The following RFTN1 variants were observed in gnomAD, a reference collection of about 807,000 sequenced individuals.
RFTN1 encodes the protein raftlin, lipid raft linker 1, also known as raftlin.
Under a neutral mutation model 46.5 loss-of-function variants are expected in RFTN1, and 26 were observed. The ratio of observed to expected loss-of-function variants is 0.56; its 90% confidence interval spans 0.41 to 0.78. The LOEUF (loss-of-function observed/expected upper bound fraction) is 0.78, where lower values mean the gene tolerates loss of function less well. RFTN1 is among the 30% of genes least tolerant of loss of function. The pLI, the probability that RFTN1 is intolerant of heterozygous loss-of-function variation, is 0.00. For synonymous variants in RFTN1, 261 were observed against 284.2 expected, an observed-to-expected ratio of 0.92 and a Z score of 0.82; for missense variants, 693 against 718.7, an observed-to-expected ratio of 0.96 and a Z score of 0.41.
chr3:16,330,494 TGAGGA>T (rs1192117363), intron 7 of RFTN1, among the ~76,000 whole-genome samples: 2 of 152,144 alleles, frequency 1.3e-5, no homozygotes, highest in Non-Finnish European at 2.9e-5. Flanking sequence ...GACACTCCAG[TGAGGA>T]GAGAAGAAAG....
At chr3:16,357,048 G>C (rs2072481648) in intron 7 of RFTN1, among the ~76,000 whole-genome samples, 2 of 151,076 alleles carry the variant, frequency 1.3e-5, no homozygotes, top group African/African-American at 4.9e-5. Context: ...CCAGGAGGCA[G>C]AGGTTGCAGT....
At chr3:16,434,336 C>T (rs759569926) in intron 2 of RFTN1, among the ~76,000 whole-genome samples, 5 of 151,242 alleles carry the variant, frequency 3.3e-5, no homozygotes, top group Admixed American at 6.6e-5. Context: ...CCAGCCTGGG[C>T]AACATAGTAA....
chr3:16,510,072 G>A (rs2076871249), intron 1 of RFTN1, among the ~76,000 whole-genome samples: 1 of 152,120 alleles, frequency 6.6e-6, no homozygotes, highest in African/African-American at 2.4e-5. Flanking sequence ...GGACCCGAGG[G>A]GCACAGGCCC....
chr3:16,418,896 C>T lies in RFTN1; in HGVS notation c.333-9413G>A, dbSNP rs1406453569. The stretch of plus-strand genomic sequence containing the variant: ...CACTGCCCTCAAGTCTAGATCCTGC[C>T]CTCAAGTCTAGATAGACTGTGTATA... On this transcript the variant is annotated intron_variant, in intron 3 of 9. Coordinates refer to ENST00000334133, the MANE Select transcript of RFTN1 (RefSeq NM_015150.2). The surrounding 1 kb of genome is among the most constrained non-coding windows in gnomAD (Gnocchi z 5.0). 1.3e-5 allele frequency among the ~76,000 whole-genome samples: 2 copies of T among 152,096 alleles called. No individual in the cohort carries two copies. Among genetic ancestry groups the T allele is most frequent in the Admixed American group, 6.5e-5 (1 of 15,268 alleles).
intron 2 of RFTN1, among the ~76,000 whole-genome samples, chr3:16,436,116 T>C (rs955554126): frequency 2.0e-5 from 3 of 151,936 alleles, no homozygotes; most frequent in Non-Finnish European, 4.4e-5. Context: ...CTTATATTTA[T>C]CTTATTATGT....
In RFTN1 at chr3:16,434,102, C is replaced by T. The variant is rs2075449688; in HGVS notation, c.146-65G>A. 4 of 1,383,968 alleles carry T rather than the reference C, an allele frequency of 2.9e-6. No individual in the cohort carries two copies. The South Asian group carries it at 4.3e-5, about 15-fold the overall frequency. 85.7% of individuals were successfully genotyped at this position (1,383,968 alleles called of 1,614,324 possible). A position where few individuals can be genotyped will look rare whatever the true frequency, so the allele number is the denominator to read the frequency against. ...CAACGCCCACTCAGCCCTGCCCAAACCCCTCTTCCCTTGCCCTCGGGGAGG... is the reference window on the plus strand; with the variant it reads ...CAACGCCCACTCAGCCCTGCCCAAATCCCTCTTCCCTTGCCCTCGGGGAGG... On this transcript the variant is annotated intron_variant, in intron 2 of 9. Transcript: ENST00000334133.
intron 8 of RFTN1, among the ~76,000 whole-genome samples, chr3:16,324,186 G>A (rs1418650956): frequency 2.0e-5 from 3 of 152,058 alleles, no homozygotes; most frequent in African/African-American, 7.2e-5. Context: ...TATATTTATG[G>A]GGTAGAGTGT....
rs2124902797 is a variant in RFTN1, at chr3:16,449,916, G to C, written c.146-15879C>G. Among the ~76,000 whole-genome samples the C allele has an allele frequency of 6.6e-6, 1 of 152,274 alleles. No homozygotes were observed. The highest frequency in any genetic ancestry group is 6.5e-5 in the Admixed American group (1 of 15,298). On this transcript the variant is annotated intron_variant, in intron 2 of 9. Transcript: ENST00000334133. This position sits in a 1 kb window ranked among gnomAD's most constrained non-coding sequence, Gnocchi z 5.1. Reference sequence around the variant, plus strand: ...CCTAGAGAGCTGGTTCTAGAAAATGGCCCCATCTCTAGAAGTGACCAGGAA... The same window carrying C: ...CCTAGAGAGCTGGTTCTAGAAAATGCCCCCATCTCTAGAAGTGACCAGGAA...
chr3:16,433,828 C>G lies in RFTN1; in HGVS notation c.332+23G>C, dbSNP rs2075443313. 6.2e-7 allele frequency: 1 copy of G among 1,612,200 alleles called. No homozygotes were observed. Among genetic ancestry groups the G allele is most frequent in the East Asian group, 2.2e-5 (1 of 44,868 alleles). On this transcript the variant is annotated intron_variant, in intron 3 of 9. Coordinates refer to ENST00000334133, the MANE Select transcript of RFTN1 (RefSeq NM_015150.2). The surrounding 1 kb of genome is among the most constrained non-coding windows in gnomAD (Gnocchi z 4.4). ...TAACTTAGCCGCAACAGGATGCTAC[C>G]CATTCACCCGTGGAGGCCTTACCTG...
intron 7 of RFTN1, among the ~76,000 whole-genome samples, chr3:16,330,171 T>C (rs1485318513): frequency 1.3e-5 from 2 of 152,196 alleles, no homozygotes; most frequent in African/African-American, 4.8e-5. Flanking sequence ...GAAGGTTCAA[T>C]CTCACGTGTT....
chr3:16,318,058 T>C (rs489956), intron 9 of RFTN1, among the ~76,000 whole-genome samples: 88,551 of 151,992 alleles, frequency 0.58, 25,959 homozygotes, highest in African/African-American at 0.66. Context: ...AAGCATTTCC[T>C]GGTGTGACAG....
chr3:16,350,537 A>G (rs950414271), intron 7 of RFTN1, among the ~76,000 whole-genome samples: 6 of 151,300 alleles, frequency 4.0e-5, no homozygotes, highest in South Asian at 2.1e-4. Context: ...CATACATACT[A>G]TTCTGTAAAC....
chr3:16,488,120 G>A (rs1336849181), intron 2 of RFTN1, among the ~76,000 whole-genome samples: 1 of 75,864 alleles, frequency 1.3e-5, no homozygotes. Context: ...TTTTTTTTTT[G>A]AGACGGAGTT....
In RFTN1 at chr3:16,448,516, G is replaced by T. The variant is rs1008700567; in HGVS notation, c.146-14479C>A. On this transcript the variant is annotated intron_variant, in intron 2 of 9. Coordinates refer to ENST00000334133, the MANE Select transcript of RFTN1 (RefSeq NM_015150.2). The surrounding 1 kb of genome is among the most constrained non-coding windows in gnomAD (Gnocchi z 4.1). Reference sequence around the variant, plus strand: ...GACAAGCTGTCACAACCCTTACAATGTGGGATCAAAAGAGTAACCTTCCTT... The same window carrying T: ...GACAAGCTGTCACAACCCTTACAATTTGGGATCAAAAGAGTAACCTTCCTT... 6.6e-6 allele frequency among the ~76,000 whole-genome samples: 1 copy of T among 152,156 alleles called. No individual in the cohort carries two copies. Among genetic ancestry groups the T allele is most frequent in the African/African-American group, 2.4e-5 (1 of 41,408 alleles).
In RFTN1 at chr3:16,384,757, A is replaced by G; in HGVS notation, c.442-6655T>C. On this transcript the variant is annotated intron_variant, in intron 4 of 9. Coordinates refer to ENST00000334133, the MANE Select transcript of RFTN1 (RefSeq NM_015150.2). The surrounding 1 kb of genome is among the most constrained non-coding windows in gnomAD (Gnocchi z 4.7). The stretch of plus-strand genomic sequence containing the variant: ...ACATGTGGCTATTTAAATTTAAATT[A>G]ATTCAAATAAAATAAAATTTAAATA... Among the ~76,000 whole-genome samples, 1 of 152,206 alleles carries G rather than the reference A, an allele frequency of 6.6e-6. No individual in the cohort carries two copies. The highest frequency in any genetic ancestry group is 1.5e-5 in the Non-Finnish European group (1 of 68,038).
intron 1 of RFTN1, among the ~76,000 whole-genome samples, chr3:16,511,381 T>C (rs2125018930): frequency 6.6e-6 from 1 of 152,334 alleles, no homozygotes; most frequent in South Asian, 2.1e-4. Context: ...GTAATTTACT[T>C]TAAAGTGCAT....
At chr3:16,363,591 T>C (rs1333407876) in intron 6 of RFTN1, among the ~76,000 whole-genome samples, 1 of 152,266 alleles carries the variant, frequency 6.6e-6, no homozygotes, top group Admixed American at 6.5e-5. Context: ...ACTGTCTATA[T>C]CAAGCTAACC....
At position 16,402,238 on chromosome 3, in the gene RFTN1, C is replaced by T. The variant is rs2074624107; in HGVS notation, c.441+7137G>A. The stretch of plus-strand genomic sequence containing the variant: ...ATGACACGAAGGTTTAGTGAGTATT[C>T]CTCTTTCTCTTTCAATGTATCCATT... On this transcript the variant is annotated intron_variant, in intron 4 of 9. Transcript: ENST00000334133. This position sits in a 1 kb window ranked among gnomAD's most constrained non-coding sequence, Gnocchi z 4.5. Among the ~76,000 whole-genome samples, 1 of 152,166 alleles carries T rather than the reference C, an allele frequency of 6.6e-6. No individual in the cohort carries two copies. The highest frequency in any genetic ancestry group is 2.1e-4 in the South Asian group (1 of 4,822).
rs2073947191 is a variant in RFTN1 at position 16,380,424 on chromosome 3, G to A, written c.442-2322C>T. Among the ~76,000 whole-genome samples, 1 of 152,174 alleles carries A rather than the reference G, an allele frequency of 6.6e-6. No homozygotes were observed. The highest frequency in any genetic ancestry group is 6.5e-5 in the Admixed American group (1 of 15,286). On this transcript the variant is annotated intron_variant, in intron 4 of 9. Coordinates refer to ENST00000334133, the MANE Select transcript of RFTN1 (RefSeq NM_015150.2). This position sits in a 1 kb window ranked among gnomAD's most constrained non-coding sequence, Gnocchi z 4.8. The stretch of plus-strand genomic sequence containing the variant: ...TGAAGAGGCGAGGACTCCAGACACA[G>A]GGCATTATCCTAGCCCTCCCCTTCC...
Sources: gnomAD v4.1 joint callset for allele counts (sites outside exome capture counted in the v4.1 genomes callset) on GRCh38, gnomAD v4.1.1 for gene constraint, Gnocchi (gnomAD v3.1) non-coding constraint, MANE v1.5 for transcripts, NCBI Gene and HGNC (gene_info 2026-07-23, HGNC 2026-07-21) for gene names.